Variants in IL23R observed in about 807,000 individuals in gnomAD.
IL23R encodes the protein interleukin 23 receptor.
Under a neutral mutation model 56.9 loss-of-function variants are expected in IL23R, and 34 were observed. That is an observed-to-expected ratio of 0.60 (90% CI 0.45 to 0.80). The LOEUF is 0.80. Ranked by LOEUF, IL23R falls within the 30% of genes least tolerant of loss-of-function variation. The pLI, the probability that IL23R is intolerant of heterozygous loss-of-function variation, is 0.00. For missense variants in IL23R, 635 were observed against 730.0 expected (o/e 0.87, Z 1.50); for synonymous variants, 230 against 249.2 (o/e 0.92, Z 0.73).
At chr1:67,179,495 G>A (rs879203014) in intron 3 of IL23R, among the ~76,000 whole-genome samples, 1 of 152,128 alleles carries the variant, frequency 6.6e-6, no homozygotes, top group South Asian at 2.1e-4. Context: ...GCATCTGTTT[G>A]ATGCTTCTCT....
At chr1:67,220,331 C>T (rs566027658) in intron 7 of IL23R, among the ~76,000 whole-genome samples, 152 of 151,208 alleles carry the variant, frequency 1.0e-3, no homozygotes, top group South Asian at 4.8e-3. Context: ...ATTGTACCAC[C>T]GCACTCCAGC....
chr1:67,161,087 G>T (rs901195931), intron 1 of IL23R, among the ~76,000 whole-genome samples: 2 of 152,002 alleles, frequency 1.3e-5, no homozygotes, highest in African/African-American at 4.8e-5. Flanking sequence ...TTCTGAAATG[G>T]CCTTTTTTAC....
intron 7 of IL23R, among the ~76,000 whole-genome samples, chr1:67,227,765 A>G (rs1650714048): frequency 6.6e-6 from 1 of 152,238 alleles, no homozygotes; most frequent in Non-Finnish European, 1.5e-5. Context: ...TTACTAACCC[A>G]TGTTAAACAG....
Position 67,255,871 on chromosome 1 carries a change from T to A in IL23R, c.1183T>A (p.Trp395Arg), listed in dbSNP as rs776798769. The A allele has an allele frequency of 2.5e-6, 4 of 1,596,860 alleles. No homozygotes were observed. Among genetic ancestry groups the A allele is most frequent in the Non-Finnish European group, 3.4e-6 (4 of 1,164,496 alleles). The change falls in exon 10 of 11, where the codon TGG (tryptophan) becomes AGG (arginine). Residue 395 changes from tryptophan (W) to arginine (R), a missense_variant. Trp to Arg is a moderately radical substitution (Grantham distance 101). Transcript: ENST00000347310. The stretch of plus-strand genomic sequence containing the variant: ...AAGGATCTTATTGTTAATACCAAAG[T>A]GGCTTTATGAAGATATTCCTAATAT... ...KRRILLLIPKWLYEDIPNMKN... is the reference protein window; with the variant it reads ...KRRILLLIPKRLYEDIPNMKN...
intron 1 of IL23R, among the ~76,000 whole-genome samples, chr1:67,147,000 A>G (rs1646685385): frequency 6.6e-6 from 1 of 152,130 alleles, no homozygotes; most frequent in Admixed American, 6.5e-5. Context: ...AGGGAAAGGA[A>G]TTGTTCTAAC....
chr1:67,263,910 G>A (rs1247602414), downstream of IL23R, among the ~76,000 whole-genome samples: 1 of 151,478 alleles, frequency 6.6e-6, no homozygotes, highest in East Asian at 1.9e-4. Context: ...AATGTAAAAC[G>A]GATGAAAGCA....
rs557919248 is a variant in IL23R at position 67,206,884 on chromosome 1, C to CTTTTTTTTT, written c.653-13_653-5dup. The CTTTTTTTTT allele has an allele frequency of 2.3e-4, 272 of 1,190,646 alleles. 11 individuals are homozygous for CTTTTTTTTT. The highest frequency in any genetic ancestry group is 9.0e-4 in the Middle Eastern group (3 of 3,324). The allele number at this position is 1,190,646 out of a possible 1,614,324, so 73.8% of individuals were successfully genotyped here. ...CTAGGCAAGTTTTAAACAGCCAGGT[C>CTTTTTTTTT]TTTTTTTTTTTTTTTTTTTTTCTAG... On this transcript the variant is annotated intron_variant, in intron 5 of 10. Transcript: ENST00000347310.
intron 3 of IL23R, among the ~76,000 whole-genome samples, chr1:67,175,076 C>A (rs1646990415): frequency 6.6e-6 from 1 of 151,808 alleles, no homozygotes. Context: ...CAGAGGCACA[C>A]TTCTGTGGAG....
At chr1:67,207,756 A>C (rs1308654023) in intron 6 of IL23R, 2 of 223,156 alleles carry the variant, frequency 9.0e-6, no homozygotes, top group African/African-American at 2.3e-5. Context: ...TATCATTAGC[A>C]TGAAAATGGA....
rs547397017 is a variant in IL23R, at chr1:67,219,723, T to C, written c.948T>C (p.Pro316=). The change falls in exon 7 of 11, where the codon CCT becomes CCC. Residue 316 remains proline, a synonymous_variant. Transcript: ENST00000347310. ...GTTCACTGTTTTTTCATAAAACACC[T>C]GAAACAGGTGAGTGTACTTATATAT... ...PWSSLFFHKT[P]ETVPQVTSKA... 8.1e-6 allele frequency: 13 copies of C among 1,613,382 alleles called. No individual in the cohort carries two copies. In the African/African-American group the frequency reaches 1.5e-4, roughly 18 times the overall value.
At chr1:67,160,117 T>G (rs192981320) in intron 1 of IL23R, among the ~76,000 whole-genome samples, 203 of 152,196 alleles carry the variant, frequency 1.3e-3, no homozygotes, top group Non-Finnish European at 8.8e-4. Context: ...CCTCCAAAAG[T>G]GTTGGGATTA....
At position 67,209,028 on chromosome 1, in the gene IL23R, T is replaced by C. The variant is rs191495057; in HGVS notation, c.798+1973T>C. Reference sequence around the variant, plus strand: ...GAGACATGGAATAAAAGAAGATCATTTGGGAGCTTTAAAGTTGCCCTGCTG... The same window carrying C: ...GAGACATGGAATAAAAGAAGATCATCTGGGAGCTTTAAAGTTGCCCTGCTG... On this transcript the variant is annotated intron_variant, in intron 6 of 10. Coordinates refer to ENST00000347310, the MANE Select transcript of IL23R (RefSeq NM_144701.3). Among the ~76,000 whole-genome samples, 13 of 152,310 alleles carry C rather than the reference T, an allele frequency of 8.5e-5. 1 individual carries two copies. The highest frequency in any genetic ancestry group is 7.2e-4 in the Admixed American group (11 of 15,294).
intron 1 of IL23R, among the ~76,000 whole-genome samples, chr1:67,146,245 T>A (rs1646678122): frequency 6.6e-6 from 1 of 152,222 alleles, no homozygotes; most frequent in African/African-American, 2.4e-5. Context: ...GTGCATGCAA[T>A]ATCAAAAGTG....
chr1:67,258,591 G>GAAGGAGAAT lies in IL23R; in HGVS notation c.1355_1363dup (p.Lys452_Asn454dup). 6.2e-7 allele frequency: 1 copy of GAAGGAGAAT among 1,613,556 alleles called. No homozygotes were observed. The highest frequency in any genetic ancestry group is 1.3e-5 in the African/African-American group (1 of 74,980). ...CAGAACACAAGCCTACAGACTACAA[G>GAAGGAGAAT]AAGGAGAATACAGGACCCCTGGAGA... On this transcript the variant is annotated inframe_insertion, in exon 11 of 11. Coordinates refer to ENST00000347310, the MANE Select transcript of IL23R (RefSeq NM_144701.3).
intron 3 of IL23R, among the ~76,000 whole-genome samples, chr1:67,170,151 GCTAGGT>G (rs1439422420): frequency 9.9e-5 from 15 of 152,190 alleles, no homozygotes; most frequent in African/African-American, 3.4e-4. Context: ...CCACTGTACT[GCTAGGT>G]TTGTGACCTT....
At chr1:67,142,287 A>T (rs1237469915) in intron 1 of IL23R, among the ~76,000 whole-genome samples, 1 of 152,156 alleles carries the variant, frequency 6.6e-6, no homozygotes, top group Non-Finnish European at 1.5e-5. Flanking sequence ...GAATATTTTT[A>T]TAAATTATAT....
chr1:67,185,127 G>T (rs1647255346), intron 4 of IL23R, among the ~76,000 whole-genome samples: 2 of 152,176 alleles, frequency 1.3e-5, no homozygotes, highest in African/African-American at 4.8e-5. Flanking sequence ...TAAGGTATTT[G>T]TATGGCAGCT....
At chr1:67,142,243 C>CA (rs1208993566) in intron 1 of IL23R, among the ~76,000 whole-genome samples, 4 of 151,758 alleles carry the variant, frequency 2.6e-5, no homozygotes, top group Admixed American at 2.6e-4. Flanking sequence ...GATCCTTTCT[C>CA]AAAAAAGTAA....
chr1:67,242,715 G>A (rs1570913410), intron 9 of IL23R, among the ~76,000 whole-genome samples: 1 of 152,198 alleles, frequency 6.6e-6, no homozygotes, highest in South Asian at 2.1e-4. Context: ...CATTCTTTGG[G>A]TTCTAGATTG....
Sources: allele counts gnomAD v4.1 joint callset (sites outside exome capture counted in the v4.1 genomes callset), GRCh38; gene constraint gnomAD v4.1.1; transcripts MANE v1.5; gene names NCBI Gene and HGNC (gene_info 2026-07-23, HGNC 2026-07-21).